PTTG1IP2: variants seen among roughly 807,000 people sequenced by gnomAD.
The protein encoded by PTTG1IP2 is PTTG1IP family member 2.
intron 6 of PTTG1IP2, among the ~76,000 whole-genome samples, chr7:90,511,436 A>T (rs943443953): frequency 2.6e-5 from 4 of 152,172 alleles, no homozygotes; most frequent in African/African-American, 9.7e-5. Context: ...GGCTCAAGAG[A>T]TAGAACAATG....
intron 6 of PTTG1IP2, among the ~76,000 whole-genome samples, chr7:90,508,571 T>C (rs11563858): frequency 6.6e-6 from 1 of 152,180 alleles, no homozygotes; most frequent in Non-Finnish European, 1.5e-5. Context: ...TAAATTCTGC[T>C]ATTCACTTAC....
intron 6 of PTTG1IP2, among the ~76,000 whole-genome samples, chr7:90,508,041 T>G (rs1197300502): frequency 6.6e-6 from 1 of 152,004 alleles, no homozygotes; most frequent in African/African-American, 2.4e-5. Flanking sequence ...GTGGATAGCC[T>G]GAGCTCAGGA....
intron 6 of PTTG1IP2, among the ~76,000 whole-genome samples, chr7:90,497,709 C>A: frequency 1.4e-5 from 1 of 71,200 alleles, no homozygotes; most frequent in Non-Finnish European, 2.4e-5. Flanking sequence ...AGAGAAAGAC[C>A]CTGTATAAAA....
chr7:90,498,329 C>A (rs190992877), intron 6 of PTTG1IP2, among the ~76,000 whole-genome samples: 1 of 152,166 alleles, frequency 6.6e-6, no homozygotes, highest in African/African-American at 2.4e-5. Flanking sequence ...TGTCAATAAT[C>A]ACCTTGAATG....
At chr7:90,495,572 A>G (rs952321023) in intron 6 of PTTG1IP2, among the ~76,000 whole-genome samples, 6 of 152,216 alleles carry the variant, frequency 3.9e-5, no homozygotes, top group African/African-American at 1.4e-4. Flanking sequence ...CTCTAGCTAG[A>G]GGCACATTCC....
chr7:90,486,886 A>T (rs1043105718), intron 2 of PTTG1IP2, among the ~76,000 whole-genome samples: 1 of 152,208 alleles, frequency 6.6e-6, no homozygotes, highest in Non-Finnish European at 1.5e-5. Flanking sequence ...AGACTCAGGG[A>T]AGATAAGCGG....
intron 6 of PTTG1IP2, among the ~76,000 whole-genome samples, chr7:90,502,768 G>A (rs956523493): frequency 6.6e-6 from 1 of 152,184 alleles, no homozygotes; most frequent in African/African-American, 2.4e-5. Flanking sequence ...AAACAGATGT[G>A]CTATCATCTA....
chr7:90,498,468 A>G (rs907140687), intron 6 of PTTG1IP2, among the ~76,000 whole-genome samples: 50 of 152,326 alleles, frequency 3.3e-4, no homozygotes, highest in Middle Eastern at 3.4e-3. Context: ...GAGTGAAGAG[A>G]TGGAAGAAGA....
At chr7:90,470,963 CAAAAAAAAAA>C (rs5885726) in intron 1 of PTTG1IP2, among the ~76,000 whole-genome samples, 2 of 108,112 alleles carry the variant, frequency 1.8e-5, no homozygotes, top group African/African-American at 6.6e-5. Context: ...TGATGAAGAA[CAAAAAAAAAA>C]AAAAAAAGAA....
chr7:90,484,631 T>G (rs1797848777), intron 2 of PTTG1IP2, among the ~76,000 whole-genome samples: 2 of 152,214 alleles, frequency 1.3e-5, no homozygotes, highest in Non-Finnish European at 2.9e-5. Flanking sequence ...GGGGGCAATG[T>G]GAAGTTCTGG....
chr7:90,482,505 AC>A (rs11307924), intron 2 of PTTG1IP2, among the ~76,000 whole-genome samples: 30,126 of 147,592 alleles, frequency 0.2, 3,740 homozygotes, highest in East Asian at 0.37. Flanking sequence ...CACATTTACA[AC>A]CCCCCCCCCA....
At chr7:90,512,022 CAT>C (rs1180525092) in intron 6 of PTTG1IP2, among the ~76,000 whole-genome samples, 2 of 152,150 alleles carry the variant, frequency 1.3e-5, no homozygotes, top group African/African-American at 2.4e-5. Flanking sequence ...TAGTTCTTGA[CAT>C]AGAGTCGTTA....
chr7:90,487,549 A>C (rs1037064119), intron 3 of PTTG1IP2, 129 bp downstream of exon 3: 1 of 152,578 alleles, frequency 6.6e-6, no homozygotes, highest in Non-Finnish European at 1.5e-5. Flanking sequence ...GCAAGTCCAA[A>C]CCACCATGGC....
chr7:90,508,300 T>G (rs1423291055), intron 6 of PTTG1IP2, among the ~76,000 whole-genome samples: 1 of 150,522 alleles, frequency 6.6e-6, no homozygotes, highest in African/African-American at 2.4e-5. Flanking sequence ...AGAAAAAATA[T>G]TTCTACAGTA....
chr7:90,479,713 A>T (rs1797793925), intron 2 of PTTG1IP2, among the ~76,000 whole-genome samples: 1 of 152,180 alleles, frequency 6.6e-6, no homozygotes, highest in Admixed American at 6.5e-5. Context: ...GTCTGAAATC[A>T]TTGCTCTTCA....
chr7:90,499,041 G>A (rs1798031161), intron 6 of PTTG1IP2, among the ~76,000 whole-genome samples: 1 of 152,046 alleles, frequency 6.6e-6, no homozygotes, highest in Non-Finnish European at 1.5e-5. Flanking sequence ...TTGTAGAGAT[G>A]GGATTTCACT....
intron 4 of PTTG1IP2, among the ~76,000 whole-genome samples, chr7:90,490,554 C>T (rs1180298604): frequency 1.3e-5 from 2 of 151,768 alleles, no homozygotes; most frequent in Admixed American, 6.6e-5. Flanking sequence ...TATTAACATA[C>T]AAAGACAAGT....
chr7:90,478,052 G>C (rs1002569240), intron 1 of PTTG1IP2, among the ~76,000 whole-genome samples: 6 of 144,078 alleles, frequency 4.2e-5, no homozygotes, highest in African/African-American at 1.5e-4. Context: ...AGCCGAGATC[G>C]TGCCACTGCA....
intron 1 of PTTG1IP2, chr7:90,470,215 G>A (rs1028473832): frequency 7.9e-5 from 12 of 152,174 alleles, no homozygotes; most frequent in Non-Finnish European, 1.5e-4. Flanking sequence ...TGACATATAA[G>A]CTTTTTGTTG....
Sources: allele counts gnomAD v4.1 joint callset (sites outside exome capture counted in the v4.1 genomes callset), GRCh38; gene constraint gnomAD v4.1.1; transcripts MANE v1.5; gene names NCBI Gene and HGNC (gene_info 2026-07-23, HGNC 2026-07-21).